PRKCH: variants seen among roughly 807,000 people sequenced by gnomAD.
PRKCH encodes protein kinase C eta type.
In PRKCH, 28 loss-of-function variants were observed where a neutral mutation model predicts 82.5. That is an observed-to-expected ratio of 0.34 (90% CI 0.25 to 0.47). PRKCH has a LOEUF of 0.47. PRKCH is among the 20% of genes least tolerant of loss of function. PRKCH has a pLI of 1.00. For missense variants in PRKCH, 705 were observed against 881.8 expected (o/e 0.80, Z 2.54); for synonymous variants, 322 against 327.4 (o/e 0.98, Z 0.18).
chr14:61,353,408 G>T (rs1222308666), intron 1 of PRKCH: 1 of 152,052 alleles, frequency 6.6e-6, no homozygotes, highest in Admixed American at 6.6e-5. Context: ...ATTTATATTA[G>T]GACAACTAAG....
At chr14:61,469,155 T>C (rs1232726090) in intron 9 of PRKCH, among the ~76,000 whole-genome samples, 1 of 152,252 alleles carries the variant, frequency 6.6e-6, no homozygotes, top group African/African-American at 2.4e-5. Context: ...CACACTGGTC[T>C]TGAACTCCTG....
At chr14:61,504,517 TG>T (rs1887054937) in intron 10 of PRKCH, among the ~76,000 whole-genome samples, 1 of 152,180 alleles carries the variant, frequency 6.6e-6, no homozygotes, top group African/African-American at 2.4e-5. Flanking sequence ...GGCGGTACAC[TG>T]CATGGTCATC....
intron 1 of PRKCH, among the ~76,000 whole-genome samples, chr14:61,260,572 A>G (rs1024270707): frequency 5.3e-5 from 8 of 152,242 alleles, no homozygotes; most frequent in African/African-American, 1.9e-4. Flanking sequence ...TTCTGTAGCC[A>G]TTAAACTTTC....
chr14:61,489,693 T>G (rs1259472561), intron 10 of PRKCH, among the ~76,000 whole-genome samples: 1 of 152,208 alleles, frequency 6.6e-6, no homozygotes, highest in Non-Finnish European at 1.5e-5. Context: ...CTATTCATTC[T>G]TTTGTCCTGG....
At chr14:61,490,390 C>T (rs61992963) in intron 10 of PRKCH, among the ~76,000 whole-genome samples, 11 of 152,174 alleles carry the variant, frequency 7.2e-5, no homozygotes, top group African/African-American at 1.9e-4. Flanking sequence ...CAATCTCACT[C>T]GCAAGATTAA....
chr14:61,369,423 C>T (rs180794753), intron 1 of PRKCH, among the ~76,000 whole-genome samples: 3 of 152,186 alleles, frequency 2.0e-5, no homozygotes, highest in South Asian at 2.1e-4. Flanking sequence ...TAGGGTTTAT[C>T]GTGAACCTTG....
intron 1 of PRKCH, among the ~76,000 whole-genome samples, chr14:61,290,018 G>A (rs1215702040): frequency 6.6e-6 from 1 of 152,150 alleles, no homozygotes; most frequent in Non-Finnish European, 1.5e-5. Flanking sequence ...ATGTGTCCAG[G>A]CACGGTGGCC....
chr14:61,434,663 G>T (rs974333802), intron 2 of PRKCH, among the ~76,000 whole-genome samples: 3 of 152,210 alleles, frequency 2.0e-5, no homozygotes, highest in African/African-American at 7.2e-5. Flanking sequence ...AGTAGACACA[G>T]TGAAATTTGA....
intron 12 of PRKCH, 42 bp downstream of exon 12, chr14:61,530,637 C>G (rs2043034404): frequency 2.6e-6 from 4 of 1,538,884 alleles, no homozygotes; most frequent in Non-Finnish European, 3.5e-6. Context: ...GTATTGCAAA[C>G]CAGCTTGTTT....
intron 10 of PRKCH, among the ~76,000 whole-genome samples, chr14:61,517,217 C>T (rs1328203956): frequency 2.0e-5 from 3 of 151,944 alleles, no homozygotes; most frequent in Non-Finnish European, 2.9e-5. Context: ...TCTTTCCTGT[C>T]GTAAAGCATT....
chr14:61,472,894 T>C (rs1468079143), intron 9 of PRKCH, among the ~76,000 whole-genome samples: 1 of 152,250 alleles, frequency 6.6e-6, no homozygotes, highest in Non-Finnish European at 1.5e-5. Flanking sequence ...TTATGGAGCA[T>C]GCATTATGTG....
intron 1 of PRKCH, among the ~76,000 whole-genome samples, chr14:61,293,906 G>A (rs917307009): frequency 2.0e-5 from 3 of 152,182 alleles, no homozygotes; most frequent in African/African-American, 4.8e-5. Context: ...GTAATAATAT[G>A]TTTATATTGA....
chr14:61,278,187 C>T (rs1479841640), intron 1 of PRKCH: 1 of 151,972 alleles, frequency 6.6e-6, no homozygotes, highest in Non-Finnish European at 1.5e-5. Context: ...ATTCTCTTAC[C>T]CAAAATAGAG....
chr14:61,447,237 T>C (rs1884270179), intron 4 of PRKCH, among the ~76,000 whole-genome samples: 1 of 152,242 alleles, frequency 6.6e-6, no homozygotes, highest in Non-Finnish European at 1.5e-5. Flanking sequence ...AAGACCAGTG[T>C]AGTAGTACAT....
chr14:61,476,134 G>A (rs1885717748), intron 9 of PRKCH, among the ~76,000 whole-genome samples: 1 of 152,174 alleles, frequency 6.6e-6, no homozygotes, highest in Non-Finnish European at 1.5e-5. Context: ...CTTTGCTTCT[G>A]TAAAATGGTT....
chr14:61,419,037 T>A (rs913286132), intron 2 of PRKCH, among the ~76,000 whole-genome samples: 4 of 152,186 alleles, frequency 2.6e-5, no homozygotes, highest in African/African-American at 9.7e-5. Flanking sequence ...GTAGGAGGCT[T>A]GCCTGCCGTT....
chr14:61,447,587 G>A (rs1308294629), intron 4 of PRKCH, among the ~76,000 whole-genome samples: 1 of 151,970 alleles, frequency 6.6e-6, no homozygotes, highest in African/African-American at 2.4e-5. Context: ...AACCATAAAC[G>A]GTATCTTCTT....
chr14:61,352,674 G>A (rs28690001), intron 1 of PRKCH, among the ~76,000 whole-genome samples: 6 of 129,252 alleles, frequency 4.6e-5, no homozygotes, highest in African/African-American at 1.2e-4. Context: ...GAGAGAGAGA[G>A]AGAGAGAAAG....
chr14:61,509,116 G>A (rs1467167158), intron 10 of PRKCH, among the ~76,000 whole-genome samples: 2 of 152,152 alleles, frequency 1.3e-5, no homozygotes, highest in Non-Finnish European at 2.9e-5. Flanking sequence ...ACTCTAGAAA[G>A]AGGCCCCCGA....
Sources: gnomAD v4.1 joint callset for allele counts (sites outside exome capture counted in the v4.1 genomes callset) on GRCh38, gnomAD v4.1.1 for gene constraint, MANE v1.5 for transcripts, NCBI Gene and HGNC (gene_info 2026-07-23, HGNC 2026-07-21) for gene names.